PITPNB: variants seen among roughly 807,000 people sequenced by gnomAD.
PITPNB encodes the protein phosphatidylinositol transfer protein beta.
In PITPNB, 16 loss-of-function variants were observed where a neutral mutation model predicts 45.9. That is an observed-to-expected ratio of 0.35 (90% confidence interval 0.24 to 0.53). The LOEUF is 0.53. Ranked by LOEUF, PITPNB falls within the 20% of genes least tolerant of loss-of-function variation. PITPNB has a pLI of 0.93. For missense variants in PITPNB, 188 were observed against 330.5 expected (o/e 0.57, Z 3.34); for synonymous variants, 112 against 108.9 (o/e 1.03, Z -0.18).
At chr22:27,856,645 T>C (rs954526145) in intron 10 of PITPNB, among the ~76,000 whole-genome samples, 1 of 152,146 alleles carries the variant, frequency 6.6e-6, no homozygotes, top group Admixed American at 6.5e-5. Flanking sequence ...AGCATAAAAA[T>C]TAAAAACTGA....
chr22:27,883,685 A>C (rs577593960), intron 7 of PITPNB, among the ~76,000 whole-genome samples: 10 of 152,336 alleles, frequency 6.6e-5, no homozygotes, highest in African/African-American at 2.2e-4. Context: ...GCAAGCTCTG[A>C]AGTTAGCTAA....
intron 6 of PITPNB, among the ~76,000 whole-genome samples, chr22:27,895,758 A>C (rs1935413785): frequency 1.3e-5 from 2 of 152,082 alleles, no homozygotes; most frequent in Non-Finnish European, 1.5e-5. Context: ...TCATTAACCT[A>C]CTCTCCTGGA....
intron 7 of PITPNB, among the ~76,000 whole-genome samples, chr22:27,887,338 A>G (rs1387322155): frequency 1.3e-5 from 2 of 152,170 alleles, no homozygotes; most frequent in East Asian, 1.9e-4. Flanking sequence ...CCCAGACATG[A>G]TGGTGGTCTT....
intron 8 of PITPNB, among the ~76,000 whole-genome samples, chr22:27,871,014 A>C (rs905036734): frequency 2.6e-5 from 4 of 152,190 alleles, no homozygotes; most frequent in Non-Finnish European, 4.4e-5. Context: ...AACAACCAGC[A>C]CCCTATCAGC....
rs1338501896 is a variant in PITPNB, at chr22:27,867,591, A to G, written c.534+6147T>C. Among the ~76,000 whole-genome samples the G allele has an allele frequency of 2.6e-5, 4 of 152,204 alleles. No individual in the cohort carries two copies. In the South Asian group the frequency reaches 6.2e-4, roughly 24 times the overall value. ...ATGGCTCACACCCATTTTACTAAAG[A>G]GGACTATGTTAAATGCTTCATGCTT... On this transcript the variant is annotated intron_variant, in intron 8 of 11. Transcript: ENST00000335272.
chr22:27,869,100 C>A (rs150195158), intron 8 of PITPNB, among the ~76,000 whole-genome samples: 1 of 152,126 alleles, frequency 6.6e-6, no homozygotes, highest in Non-Finnish European at 1.5e-5. Context: ...CACACAAACA[C>A]ACGTGCACAC....
At chr22:27,886,273 G>A (rs1935119839) in intron 7 of PITPNB, among the ~76,000 whole-genome samples, 1 of 152,232 alleles carries the variant, frequency 6.6e-6, no homozygotes, top group Non-Finnish European at 1.5e-5. Flanking sequence ...ATCAGGAAGT[G>A]ATGTAGCTTC....
intron 10 of PITPNB, among the ~76,000 whole-genome samples, chr22:27,855,234 A>G (rs1210699400): frequency 6.6e-6 from 1 of 152,230 alleles, no homozygotes; most frequent in African/African-American, 2.4e-5. Context: ...TGCCAATATA[A>G]TGTGAGAAAA....
At chr22:27,883,906 C>G (rs529374244) in intron 7 of PITPNB, among the ~76,000 whole-genome samples, 10 of 152,268 alleles carry the variant, frequency 6.6e-5, no homozygotes, top group African/African-American at 2.4e-4. Flanking sequence ...AGAGGTGATT[C>G]AGGTGTTGCA....
chr22:27,918,488 C>T (rs1211506240), intron 1 of PITPNB, among the ~76,000 whole-genome samples: 1 of 152,188 alleles, frequency 6.6e-6, no homozygotes, highest in Non-Finnish European at 1.5e-5. Flanking sequence ...TCGGATGCAC[C>T]TCGAAATCCC....
intron 8 of PITPNB, among the ~76,000 whole-genome samples, chr22:27,871,979 CT>C (rs1934674230): frequency 6.6e-6 from 1 of 151,792 alleles, no homozygotes; most frequent in Non-Finnish European, 1.5e-5. Context: ...CCTGCTTCTC[CT>C]TTGCCTACCA....
chr22:27,896,522 T>A, intron 6 of PITPNB, 30 bp downstream of exon 6: 1 of 1,462,894 alleles, frequency 6.8e-7, no homozygotes, highest in Middle Eastern at 1.7e-4. Flanking sequence ...CCAGGGACTT[T>A]TGTACTAAAA....
chr22:27,917,217 C>T (rs1324445969), intron 1 of PITPNB, among the ~76,000 whole-genome samples: 1 of 152,214 alleles, frequency 6.6e-6, no homozygotes, highest in Non-Finnish European at 1.5e-5. Context: ...GCAAAAAGCA[C>T]AGTGCGCAAA....
intron 8 of PITPNB, among the ~76,000 whole-genome samples, chr22:27,866,820 G>C (rs566468098): frequency 1.1e-4 from 17 of 152,294 alleles, no homozygotes; most frequent in Non-Finnish European, 2.4e-4. Context: ...GTGATGTTAA[G>C]TTTCCAACCC....
At chr22:27,855,276 T>C (rs1364034443) in intron 10 of PITPNB, among the ~76,000 whole-genome samples, 3 of 152,210 alleles carry the variant, frequency 2.0e-5, no homozygotes, top group Non-Finnish European at 4.4e-5. Flanking sequence ...ATTTGCATAG[T>C]CCCTAGGCCA....
chr22:27,917,881 G>C (rs989633723), intron 1 of PITPNB, among the ~76,000 whole-genome samples: 1 of 152,180 alleles, frequency 6.6e-6, no homozygotes, highest in Non-Finnish European at 1.5e-5. Flanking sequence ...CAAATAGTGG[G>C]AACTACAATT....
rs751112024 is a variant in PITPNB, at chr22:27,919,225, C to A, written c.-34G>T. ...AACCCCCTCACAGCTGCCGCCGATA[C>A]CACCGCCGCCGCCGCCGCTACCGCC... On this transcript the variant is annotated 5_prime_UTR_variant, in exon 1 of 12. Transcript: ENST00000335272. 6 of 1,582,352 alleles carry A rather than the reference C, an allele frequency of 3.8e-6. No homozygotes were observed. The highest frequency in any genetic ancestry group is 3.3e-5 in the Admixed American group (2 of 59,952).
intron 10 of PITPNB, among the ~76,000 whole-genome samples, chr22:27,857,358 C>A (rs1024276386): frequency 3.9e-5 from 6 of 152,192 alleles, no homozygotes; most frequent in African/African-American, 1.2e-4. Context: ...ATGTCCTAGT[C>A]CTCTCAGAAG....
At chr22:27,888,817 G>C (rs765360627) in intron 7 of PITPNB, among the ~76,000 whole-genome samples, 3 of 152,220 alleles carry the variant, frequency 2.0e-5, no homozygotes, top group Non-Finnish European at 2.9e-5. Flanking sequence ...TAGTGTGTTG[G>C]AACAGGAAAG....
Sources: allele counts gnomAD v4.1 joint callset (sites outside exome capture counted in the v4.1 genomes callset), GRCh38; gene constraint gnomAD v4.1.1; transcripts MANE v1.5; gene names NCBI Gene and HGNC (gene_info 2026-07-23, HGNC 2026-07-21).